Variants in MINK1 observed in about 807,000 individuals in gnomAD.
MINK1 encodes the protein misshapen like kinase 1.
A neutral mutation model predicts 178.4 loss-of-function variants in MINK1; 46 were observed. The ratio of observed to expected loss-of-function variants is 0.26; its 90% CI spans 0.20 to 0.33. The LOEUF is 0.33. Ranked by LOEUF, MINK1 falls within the 10% of genes least tolerant of loss-of-function variation. MINK1 has a pLI of 1.00. For synonymous variants in MINK1, 797 were observed against 709.7 expected, an observed-to-expected ratio of 1.12 and a Z score of -1.96; for missense variants, 1,366 against 1,814.9, an observed-to-expected ratio of 0.75 and a Z score of 4.49.
chr17:4,895,049 C>A lies in MINK1; in HGVS notation c.2918-26C>A. The A allele has an allele frequency of 6.2e-7, 1 of 1,611,196 alleles. No individual in the cohort carries two copies. Among genetic ancestry groups the A allele is most frequent in the Non-Finnish European group, 8.5e-7 (1 of 1,178,636 alleles). ...ATGGGGTGAGAAGCTGCAGCCCCTCCTCCCACCTCCTCCTCCTTCTGGCAG... is the reference window on the plus strand; with the variant it reads ...ATGGGGTGAGAAGCTGCAGCCCCTCATCCCACCTCCTCCTCCTTCTGGCAG... On this transcript the variant is annotated intron_variant, in intron 24 of 31. Coordinates refer to ENST00000355280, the MANE Select transcript of MINK1 (RefSeq NM_153827.5). This position sits in a 1 kb window ranked among gnomAD's most constrained non-coding sequence, Gnocchi z 4.3.
At chr17:4,852,517 A>G (rs1303151355) in intron 1 of MINK1, among the ~76,000 whole-genome samples, 1 of 151,476 alleles carries the variant, frequency 6.6e-6, no homozygotes, top group Non-Finnish European at 1.5e-5. Context: ...GAGGAGAGTG[A>G]TGAACAGCAT....
intron 1 of MINK1, among the ~76,000 whole-genome samples, chr17:4,862,523 C>T (rs185657729): frequency 2.6e-5 from 4 of 152,120 alleles, no homozygotes; most frequent in South Asian, 2.1e-4. Context: ...GGCGTGGTGG[C>T]GGGCACCTGT....
chr17:4,872,526 A>G (rs1250082403), intron 1 of MINK1, among the ~76,000 whole-genome samples: 1 of 151,920 alleles, frequency 6.6e-6, no homozygotes, highest in Non-Finnish European at 1.5e-5. Flanking sequence ...TAATCCCAGC[A>G]CTTTGGGAGG....
At position 4,894,281 on chromosome 17, in the gene MINK1, A is replaced by G; in HGVS notation, c.2778A>G (p.Gln926=). The G allele has an allele frequency of 1.2e-6, 2 of 1,612,976 alleles. No homozygotes were observed. Among genetic ancestry groups the G allele is most frequent in the Non-Finnish European group, 1.7e-6 (2 of 1,179,770 alleles). The stretch of plus-strand genomic sequence containing the variant: ...CACCCACCGAGAACAGCAAAGGCCA[A>G]AGCCCACCCTCGAAGGATGGGAGTG... The part of the protein sequence containing the change: ...SHSPTENSKG[Q]SPPSKDGSGD... The change falls in exon 23 of 32, where the codon CAA becomes CAG. Residue 926 remains glutamine (Q), a synonymous_variant. Coordinates refer to ENST00000355280, the MANE Select transcript of MINK1 (RefSeq NM_153827.5). This position sits in a 1 kb window ranked among gnomAD's most constrained non-coding sequence, Gnocchi z 4.1.
At position 4,897,358 on chromosome 17, in the gene MINK1, C is replaced by T. The variant is rs956886179; in HGVS notation, c.*71C>T. 7.7e-5 allele frequency: 106 copies of T among 1,382,740 alleles called. No individual in the cohort carries two copies. The highest frequency in any genetic ancestry group is 1.0e-4 in the Non-Finnish European group (99 of 980,618). The allele number at this position is 1,382,740 out of a possible 1,614,324, so 85.7% of individuals were successfully genotyped here. ...CCTGCAGCCAGGCTTCCCGGGCCGC[C>T]CCTCTTTCCCCTCCCTGGGCTTTTG... On this transcript the variant is annotated 3_prime_UTR_variant, in exon 32 of 32. Coordinates refer to ENST00000355280, the MANE Select transcript of MINK1 (RefSeq NM_153827.5).
chr17:4,885,727 A>G lies in MINK1; in HGVS notation c.639+114A>G. The G allele has an allele frequency of 2.7e-6, 4 of 1,478,362 alleles. No homozygotes were observed. Among genetic ancestry groups the G allele is most frequent in the East Asian group, 2.3e-5 (1 of 42,958 alleles). 91.6% of individuals were successfully genotyped at this position (1,478,362 alleles called of 1,614,324 possible). A position where few individuals can be genotyped will look rare whatever the true frequency, so the allele number is the denominator to read the frequency against. ...GGAAGGTCAGATGATGTTAGCAGTGAGGGGCTGGGGAACATCTTACGGCAA... is the reference window on the plus strand; with the variant it reads ...GGAAGGTCAGATGATGTTAGCAGTGGGGGGCTGGGGAACATCTTACGGCAA... On this transcript the variant is annotated intron_variant, in intron 7 of 31. Coordinates refer to ENST00000355280, the MANE Select transcript of MINK1 (RefSeq NM_153827.5). The surrounding 1 kb of genome is among the most constrained non-coding windows in gnomAD (Gnocchi z 5.0).
At chr17:4,888,238 G>T (rs910594012) in intron 12 of MINK1, among the ~76,000 whole-genome samples, 1 of 151,748 alleles carries the variant, frequency 6.6e-6, no homozygotes. Context: ...GCAATAACCC[G>T]CAGCACCCAC....
In MINK1 at chr17:4,887,780, G is replaced by A. The variant is rs753262746; in HGVS notation, c.1220G>A (p.Arg407His). 7 of 1,515,894 alleles carry A rather than the reference G, an allele frequency of 4.6e-6. No homozygotes were observed. Among genetic ancestry groups the A allele is most frequent in the African/African-American group, 1.4e-5 (1 of 71,750 alleles). The allele number at this position is 1,515,894 out of a possible 1,614,324, so 93.9% of individuals were successfully genotyped here. A position where few individuals can be genotyped will look rare whatever the true frequency, so the allele number is the denominator to read the frequency against. ...RIEEQKEERR[R>H]VEEQQRRERE... The stretch of plus-strand genomic sequence containing the variant: ...GAGGAGCAGAAGGAGGAGCGGCGCC[G>A]CGTGGAGGAGGTGGGCTGTCTCCGA... The change falls in exon 12 of 32, where the codon CGC becomes CAC. Residue 407 changes from arginine to histidine, a missense_variant. Arg to His is a conservative substitution (Grantham distance 29). Around this residue, in one of 14 missense-constraint regions of MINK1, gnomAD observed 18 missense variants for 40.7 expected, o/e 0.44. Coordinates refer to ENST00000355280, the MANE Select transcript of MINK1 (RefSeq NM_153827.5). The surrounding 1 kb of genome is among the most constrained non-coding windows in gnomAD (Gnocchi z 7.6).
At position 4,891,055 on chromosome 17, in the gene MINK1, G is replaced by A; in HGVS notation, c.1671G>A (p.Gly557=). The A allele has an allele frequency of 6.4e-7, 1 of 1,554,542 alleles. No homozygotes were observed. Among genetic ancestry groups the A allele is most frequent in the Non-Finnish European group, 8.7e-7 (1 of 1,149,268 alleles). Residue 557 remains glycine, a synonymous_variant, in exon 15 of 32, where the codon GGG becomes GGA. Transcript: ENST00000355280. ...PEPPIPQASP[G]PPGPLSQTPP... is the part of the protein sequence containing the mutation. Reference sequence around the variant, plus strand: ...CCCCCATCCCCCAGGCCTCCCCAGGGCCCCCAGGACCCCTTTCCCAGACTC... The same window carrying A: ...CCCCCATCCCCCAGGCCTCCCCAGGACCCCCAGGACCCCTTTCCCAGACTC...
chr17:4,895,000 T>G lies in MINK1; in HGVS notation c.2918-75T>G. On this transcript the variant is annotated intron_variant, in intron 24 of 31. Transcript: ENST00000355280. The surrounding 1 kb of genome is among the most constrained non-coding windows in gnomAD (Gnocchi z 4.1). Reference sequence around the variant, plus strand: ...CGTATTATGAGGTGCCAAGACCTGATATAGGGGATGGAGGTAAAAAGAGAT... The same window carrying G: ...CGTATTATGAGGTGCCAAGACCTGAGATAGGGGATGGAGGTAAAAAGAGAT... 3 of 1,496,334 alleles carry G rather than the reference T, an allele frequency of 2.0e-6. No individual in the cohort carries two copies. The highest frequency in any genetic ancestry group is 2.7e-6 in the Non-Finnish European group (3 of 1,091,668). 92.7% of individuals were successfully genotyped at this position (1,496,334 alleles called of 1,614,324 possible).
At chr17:4,859,530 G>C (rs962228230) in intron 1 of MINK1, among the ~76,000 whole-genome samples, 5 of 152,086 alleles carry the variant, frequency 3.3e-5, no homozygotes, top group African/African-American at 7.2e-5. Flanking sequence ...CACTGGCTAC[G>C]TAATCCCAGC....
At chr17:4,845,631 G>A (rs956811367) in intron 1 of MINK1, among the ~76,000 whole-genome samples, 2 of 151,742 alleles carry the variant, frequency 1.3e-5, no homozygotes, top group Non-Finnish European at 2.9e-5. Context: ...ACCTGGAATT[G>A]AGTTGGATTT....
In MINK1 at chr17:4,893,722, G is replaced by C; in HGVS notation, c.2564+125G>C. On this transcript the variant is annotated intron_variant, in intron 21 of 31. Transcript: ENST00000355280. Reference sequence around the variant, plus strand: ...AGCGGCTCCCTTCTCTAGAGAGTGGGGTGAGGGTGCAGGTTCCTGTCTCTC... The same window carrying C: ...AGCGGCTCCCTTCTCTAGAGAGTGGCGTGAGGGTGCAGGTTCCTGTCTCTC... 5 of 1,341,832 alleles carry C rather than the reference G, an allele frequency of 3.7e-6. No homozygotes were observed. The South Asian group carries it at 4.8e-5, about 13-fold the overall frequency. 83.1% of individuals were successfully genotyped at this position (1,341,832 alleles called of 1,614,324 possible). A position where few individuals can be genotyped will look rare whatever the true frequency, so the allele number is the denominator to read the frequency against.
intron 12 of MINK1, among the ~76,000 whole-genome samples, chr17:4,888,631 CAAAAAATA>C (rs1395892419): frequency 1.4e-5 from 2 of 146,694 alleles, no homozygotes; most frequent in African/African-American, 5.0e-5. Context: ...ACTCCGTCTC[CAAAAAATA>C]AAAAAATAAA....
At chr17:4,838,160 A>C (rs1317986409) in intron 1 of MINK1, among the ~76,000 whole-genome samples, 1 of 152,218 alleles carries the variant, frequency 6.6e-6, no homozygotes, top group Non-Finnish European at 1.5e-5. Flanking sequence ...AAATTGCAAA[A>C]GGGGAATGGG....
rs1567606792 is a variant in MINK1, at chr17:4,886,216, T to G, written c.773+18T>G. ...AAGAAGTGGTAGGTCTCTGAGAGTG[T>G]GGGCTCTGGGAAGGAAGGTCCCTGG... On this transcript the variant is annotated intron_variant, in intron 9 of 31. Transcript: ENST00000355280. The surrounding 1 kb of genome is among the most constrained non-coding windows in gnomAD (Gnocchi z 6.1). The G allele has an allele frequency of 6.2e-7, 1 of 1,612,532 alleles. No homozygotes were observed. Among genetic ancestry groups the G allele is most frequent in the Non-Finnish European group, 8.5e-7 (1 of 1,178,544 alleles).
rs1567622704 is a variant in MINK1 at position 4,894,194 on chromosome 17, C to G, written c.2691C>G (p.Asn897Lys). Residue 897 changes from asparagine (N) to lysine (K), a missense_variant, in exon 23 of 32, where the codon AAC (asparagine) becomes AAG (lysine). Physicochemically the swap from Asn to Lys is moderately conservative, Grantham distance 94 (BLOSUM62 0). Around this residue, in one of 14 missense-constraint regions of MINK1, gnomAD observed 709 missense variants for 692.3 expected, o/e 1.02. Transcript: ENST00000355280. This position sits in a 1 kb window ranked among gnomAD's most constrained non-coding sequence, Gnocchi z 4.1. Reference protein sequence around the residue: ...VVQRTPEEERNLLHADSNGYT... With the variant: ...VVQRTPEEERKLLHADSNGYT... ...TGTAGACCCCTGAAGAGGAGCGGAA[C>G]CTGCTGCATGCTGACAGCAATGGGT... is the stretch of plus-strand genomic sequence containing the variant. 6.2e-7 allele frequency: 1 copy of G among 1,613,634 alleles called. No individual in the cohort carries two copies. The highest frequency in any genetic ancestry group is 1.7e-5 in the Admixed American group (1 of 60,004).
chr17:4,896,119 G>C lies in MINK1; in HGVS notation c.3465+16G>C. The C allele has an allele frequency of 1.2e-6, 2 of 1,606,266 alleles. No homozygotes were observed. The highest frequency in any genetic ancestry group is 1.7e-6 in the Non-Finnish European group (2 of 1,176,336). ...GGCCTTCAAGGTAATCCCAGCCTCG[G>C]TCCCTAACACCATCTGGAGTCCCAG... On this transcript the variant is annotated intron_variant, in intron 28 of 31. Transcript: ENST00000355280. This position sits in a 1 kb window ranked among gnomAD's most constrained non-coding sequence, Gnocchi z 4.6.
chr17:4,851,065 C>A (rs1451437885), intron 1 of MINK1: 1 of 458,268 alleles, frequency 2.2e-6, no homozygotes, highest in Middle Eastern at 3.3e-4. Context: ...CCTCTCAATT[C>A]TACTTTTTAT....
Sources: gnomAD v4.1 joint callset for allele counts (sites outside exome capture counted in the v4.1 genomes callset) on GRCh38, gnomAD v4.1.1 for gene constraint, gnomAD v4.1.1 regional missense constraint, Gnocchi (gnomAD v3.1) non-coding constraint, MANE v1.5 for transcripts, NCBI Gene and HGNC (gene_info 2026-07-23, HGNC 2026-07-21) for gene names.